Variants in PDGFRA observed in about 807,000 individuals in gnomAD.
PDGFRA encodes the protein platelet-derived growth factor receptor alpha.
PDGFRA carries 25 observed loss-of-function variants against 121.5 expected under a neutral mutation model. The ratio of observed to expected loss-of-function variants is 0.21; its 90% confidence interval spans 0.15 to 0.29. The LOEUF (loss-of-function observed/expected upper bound fraction) is 0.29. Among genes scored for constraint, PDGFRA ranks in the 10% least tolerant of loss-of-function variants. The pLI, the probability that PDGFRA is intolerant of heterozygous loss-of-function variation, is 1.00. For synonymous variants in PDGFRA, 463 were observed against 494.8 expected (o/e 0.94, Z 0.85); for missense variants, 1,008 against 1,345.1 (o/e 0.75, Z 3.92).
chr4:54,256,767 C>T (rs113375044), intron 1 of PDGFRA, among the ~76,000 whole-genome samples: 33 of 151,850 alleles, frequency 2.2e-4, no homozygotes, highest in East Asian at 1.2e-3. Flanking sequence ...AATCCCAGCA[C>T]TTTGGGAGGC....
rs143783500 is a variant in PDGFRA at position 54,261,241 on chromosome 4, A to C, written c.196A>C (p.Ser66Arg). 1 of 1,614,136 alleles carries C rather than the reference A, an allele frequency of 6.2e-7. No homozygotes were observed. The highest frequency in any genetic ancestry group is 8.5e-7 in the Non-Finnish European group (1 of 1,180,022). ...GCAGTACCCCATGTCTGAAGAAGAG[A>C]GCTCCGATGTGGAAATCAGAAATGA... ...SWQYPMSEEESSDVEIRNEEN... is the reference protein window; with the variant it reads ...SWQYPMSEEERSDVEIRNEEN... The change falls in exon 3 of 23, where the codon AGC becomes CGC. Residue 66 changes from serine (S) to arginine (R), a missense_variant. Ser to Arg is a moderately radical substitution (Grantham distance 110, BLOSUM62 -1). This residue lies in a region of PDGFRA where 575 missense variants were observed against 701.8 expected (regional missense o/e 0.82). Transcript: ENST00000257290.
Position 54,295,403 on chromosome 4 carries a change from G to C in PDGFRA, c.*131G>C. 1 of 833,018 alleles carries C rather than the reference G, an allele frequency of 1.2e-6. No homozygotes were observed. Among genetic ancestry groups the C allele is most frequent in the Non-Finnish European group, 2.0e-6 (1 of 505,926 alleles). The allele number at this position is 833,018 out of a possible 1,614,324, so 51.6% of individuals were successfully genotyped here. On this transcript the variant is annotated 3_prime_UTR_variant, in exon 23 of 23. Coordinates refer to ENST00000257290, the MANE Select transcript of PDGFRA (RefSeq NM_006206.6). ...TTTAAAGAGAAGTTCCCAGCCAAGG[G>C]CCTCGGGGAGCGTTCTAAATATGAA...
At chr4:54,255,456 A>C (rs1215923750) in intron 1 of PDGFRA, among the ~76,000 whole-genome samples, 1 of 151,750 alleles carries the variant, frequency 6.6e-6, no homozygotes, top group African/African-American at 2.4e-5. Flanking sequence ...ACCCAAACCC[A>C]ACTCAGGCTA....
At chr4:54,244,896 A>C (rs1042405047) in intron 1 of PDGFRA, among the ~76,000 whole-genome samples, 2 of 152,248 alleles carry the variant, frequency 1.3e-5, no homozygotes, top group African/African-American at 2.4e-5. Flanking sequence ...GCTGAAAGCC[A>C]AGGCTCAAGA....
intron 5 of PDGFRA, among the ~76,000 whole-genome samples, chr4:54,266,963 C>A (rs1723061295): frequency 6.6e-6 from 1 of 152,134 alleles, no homozygotes; most frequent in Non-Finnish European, 1.5e-5. Context: ...GCCTGGGCAG[C>A]AGAGTGAGAT....
At chr4:54,248,593 G>A (rs577233093) in intron 1 of PDGFRA, among the ~76,000 whole-genome samples, 1 of 152,088 alleles carries the variant, frequency 6.6e-6, no homozygotes, top group Non-Finnish European at 1.5e-5. Context: ...TTAAACGTTA[G>A]ACCTAAAACC....
chr4:54,273,812 A>T (rs935835662), intron 10 of PDGFRA, 82 bp downstream of exon 10: 5 of 1,039,800 alleles, frequency 4.8e-6, no homozygotes, highest in Middle Eastern at 3.0e-4. Flanking sequence ...GATAGGGGTT[A>T]TATAGAAATG....
rs1323449085 is a variant in PDGFRA at position 54,263,880 on chromosome 4, A to G, written c.581A>G (p.Lys194Arg). 3 of 1,613,982 alleles carry G rather than the reference A, an allele frequency of 1.9e-6. No homozygotes were observed. Among genetic ancestry groups the G allele is most frequent in the African/African-American group, 2.7e-5 (2 of 74,920 alleles). Reference sequence around the variant, plus strand: ...CCCTATATCTGTGAGGCCACCGTCAAAGGAAAGAAGTTCCAGACCATCCCA... The same window carrying G: ...CCCTATATCTGTGAGGCCACCGTCAGAGGAAAGAAGTTCCAGACCATCCCA... ...VGPYICEATV[K>R]GKKFQTIPFN... is the part of the protein sequence containing the mutation. Residue 194 changes from lysine (K) to arginine (R), a missense_variant, in exon 4 of 23, where the codon AAA (lysine) becomes AGA (arginine). By Grantham distance (26) the Lys-to-Arg change is conservative. Around this residue, in one of 5 missense-constraint regions of PDGFRA, gnomAD observed 575 missense variants for 701.8 expected, o/e 0.82. Coordinates refer to ENST00000257290, the MANE Select transcript of PDGFRA (RefSeq NM_006206.6).
At chr4:54,285,575 C>A in intron 17 of PDGFRA, 89 bp downstream of exon 17, 1 of 770,210 alleles carries the variant, frequency 1.3e-6, no homozygotes. Flanking sequence ...GTTGGAAAGG[C>A]CATTAATAAC....
intron 6 of PDGFRA, 40 bp from the exon 7 acceptor site, chr4:54,267,512 T>C (rs766598498): frequency 1.9e-6 from 3 of 1,613,644 alleles, no homozygotes; most frequent in South Asian, 1.1e-5. Flanking sequence ...GGGATCCATA[T>C]GTGGTAATCA....
At chr4:54,278,234 A>C (rs946599806) in intron 14 of PDGFRA, 128 bp from the exon 15 acceptor site, 9 of 55,958 alleles carry the variant, frequency 1.6e-4, no homozygotes, top group African/African-American at 2.2e-4. Flanking sequence ...AAAAAAAAAA[A>C]AAAAAAAAAA....
At chr4:54,240,900 G>A (rs568814198) in intron 1 of PDGFRA, among the ~76,000 whole-genome samples, 12 of 152,314 alleles carry the variant, frequency 7.9e-5, no homozygotes, top group Non-Finnish European at 1.8e-4. Flanking sequence ...AAAGATAAAA[G>A]CTATTGGATC....
intron 9 of PDGFRA, among the ~76,000 whole-genome samples, chr4:54,273,271 G>A (rs774069627): frequency 3.9e-5 from 6 of 152,150 alleles, no homozygotes; most frequent in Non-Finnish European, 5.9e-5. Context: ...CAAGATTGGG[G>A]AATGGTAGTC....
At chr4:54,276,138 C>G (rs954059566) in intron 12 of PDGFRA, among the ~76,000 whole-genome samples, 3 of 151,956 alleles carry the variant, frequency 2.0e-5, no homozygotes, top group African/African-American at 7.3e-5. Flanking sequence ...GGGCCCCTAC[C>G]TAGGAACTGA....
chr4:54,235,077 A>G (rs1366241771), intron 1 of PDGFRA, among the ~76,000 whole-genome samples: 1 of 152,214 alleles, frequency 6.6e-6, no homozygotes, highest in African/African-American at 2.4e-5. Context: ...AGAAGTTTCC[A>G]CCAGTGTAGA....
intron 8 of PDGFRA, among the ~76,000 whole-genome samples, chr4:54,271,765 CTCCT>C (rs541236056): frequency 4.4e-4 from 61 of 140,066 alleles, no homozygotes; most frequent in East Asian, 1.9e-3. Context: ...TTTCCTTTCT[CTCCT>C]TCCTTCCTTC....
chr4:54,232,468 C>T (rs557092584), intron 1 of PDGFRA, among the ~76,000 whole-genome samples: 1 of 152,238 alleles, frequency 6.6e-6, no homozygotes, highest in Admixed American at 6.5e-5. Flanking sequence ...TCCTTCCCTG[C>T]CTCCTACTGC....
intron 1 of PDGFRA, among the ~76,000 whole-genome samples, chr4:54,238,821 C>T (rs1721145569): frequency 6.6e-6 from 1 of 152,078 alleles, no homozygotes; most frequent in African/African-American, 2.4e-5. Flanking sequence ...ATTTTAAAAA[C>T]ATGAGCTGGG....
intron 15 of PDGFRA, chr4:54,279,117 G>C: frequency 3.4e-6 from 1 of 293,264 alleles, no homozygotes. Context: ...TCCAACCAAG[G>C]CTTGTGAGTT....
Sources: gnomAD v4.1 joint callset for allele counts (sites outside exome capture counted in the v4.1 genomes callset) on GRCh38, gnomAD v4.1.1 for gene constraint, gnomAD v4.1.1 regional missense constraint, MANE v1.5 for transcripts, NCBI Gene and HGNC (gene_info 2026-07-23, HGNC 2026-07-21) for gene names.